Variants in LINGO2 observed in about 807,000 individuals in gnomAD.
LINGO2 encodes leucine-rich repeat and immunoglobulin-like domain-containing nogo receptor-interacting protein 2.
LINGO2 carries 14 observed loss-of-function variants against 30.6 expected under a neutral mutation model. The ratio of observed to expected loss-of-function variants is 0.46; its 90% CI spans 0.30 to 0.72. The LOEUF (loss-of-function observed/expected upper bound fraction) is 0.72. Among genes scored for constraint, LINGO2 ranks in the 30% least tolerant of loss-of-function variants. LINGO2 has a pLI of 0.07. For missense variants in LINGO2, 729 were observed against 751.7 expected, an observed-to-expected ratio of 0.97 and a Z score of 0.35; for synonymous variants, 317 against 288.5, an observed-to-expected ratio of 1.10 and a Z score of -1.00.
At chr9:28,404,002 T>C (rs1027179195) in intron 2 of LINGO2, among the ~76,000 whole-genome samples, 1 of 152,034 alleles carries the variant, frequency 6.6e-6, no homozygotes, top group Non-Finnish European at 1.5e-5. Context: ...TCTTTACCTA[T>C]TTTTTTATAC....
the LINGO2 span, among the ~76,000 whole-genome samples, chr9:29,187,715 T>C: frequency 1.3e-5 from 2 of 152,004 alleles, no homozygotes; most frequent in Admixed American, 1.3e-4. Context: ...CCTATCTCAT[T>C]TGCCTTGTAA....
chr9:28,695,046 AAT>A, the LINGO2 span, among the ~76,000 whole-genome samples: 1 of 134,754 alleles, frequency 7.4e-6, no homozygotes, highest in African/African-American at 3.2e-5. Context: ...CCCAATCTCT[AAT>A]ACAAACAAAC....
chr9:27,993,777 G>A (rs779982804), intron 5 of LINGO2, among the ~76,000 whole-genome samples: 1 of 151,994 alleles, frequency 6.6e-6, no homozygotes. Context: ...CTAGTACCTA[G>A]TAAATGGCTG....
intron 3 of LINGO2, among the ~76,000 whole-genome samples, chr9:28,299,137 G>A (rs868374999): frequency 1.3e-5 from 2 of 152,000 alleles, no homozygotes; most frequent in Admixed American, 6.6e-5. Flanking sequence ...CATCTTCCCC[G>A]TGGAGACATG....
At chr9:28,687,206 A>G in the LINGO2 span, among the ~76,000 whole-genome samples, 1 of 152,156 alleles carries the variant, frequency 6.6e-6, no homozygotes, top group African/African-American at 2.4e-5. Flanking sequence ...ATGTATGAGC[A>G]CAGCATTTAC....
At chr9:28,671,513 C>CAA (rs11286682), upstream of LINGO2, among the ~76,000 whole-genome samples, 1,721 of 105,570 alleles carry the variant, frequency 0.016, 57 homozygotes, top group East Asian at 0.078. Context: ...TTATCTTAAG[C>CAA]AAAAAAAAAA....
At chr9:29,168,496 A>G in the LINGO2 span, among the ~76,000 whole-genome samples, 2 of 152,204 alleles carry the variant, frequency 1.3e-5, no homozygotes, top group African/African-American at 4.8e-5. Flanking sequence ...CATTCTGGCC[A>G]AAGAAATATA....
At chr9:29,164,450 C>T in the LINGO2 span, among the ~76,000 whole-genome samples, 20 of 152,004 alleles carry the variant, frequency 1.3e-4, no homozygotes, top group African/African-American at 4.6e-4. Context: ...TTGAAATAAG[C>T]ATTTCTCTCA....
At chr9:28,215,902 G>A (rs1163783933) in intron 4 of LINGO2, among the ~76,000 whole-genome samples, 1 of 151,846 alleles carries the variant, frequency 6.6e-6, no homozygotes, top group Non-Finnish European at 1.5e-5. Context: ...GTAGCCCAGA[G>A]AAAGAATAAA....
chr9:29,060,137 C>T, the LINGO2 span, among the ~76,000 whole-genome samples: 1 of 151,958 alleles, frequency 6.6e-6, no homozygotes, highest in Non-Finnish European at 1.5e-5. Context: ...AAAGACTGTT[C>T]AGCAGCAGGG....
chr9:28,565,426 A>T (rs921246084), intron 1 of LINGO2, among the ~76,000 whole-genome samples: 1 of 149,808 alleles, frequency 6.7e-6, no homozygotes, highest in African/African-American at 2.5e-5. Flanking sequence ...ACCTCGTGAT[A>T]CCCCTGCCTC....
At chr9:29,102,393 T>TG in the LINGO2 span, among the ~76,000 whole-genome samples, 1 of 152,188 alleles carries the variant, frequency 6.6e-6, no homozygotes, top group Admixed American at 6.5e-5. Context: ...TCTGCAGCTT[T>TG]TTAAAAAAAT....
the LINGO2 span, among the ~76,000 whole-genome samples, chr9:28,887,270 A>G: frequency 6.6e-6 from 1 of 152,062 alleles, no homozygotes; most frequent in African/African-American, 2.4e-5. Context: ...AAAAAAATTG[A>G]AAGGATTTTT....
At chr9:28,246,406 G>T (rs140335153) in intron 4 of LINGO2, among the ~76,000 whole-genome samples, 1 of 151,986 alleles carries the variant, frequency 6.6e-6, no homozygotes, top group Non-Finnish European at 1.5e-5. Flanking sequence ...CAGTCTGGGT[G>T]ACAGAGTGAG....
intron 1 of LINGO2, among the ~76,000 whole-genome samples, chr9:28,560,324 T>A (rs1822980551): frequency 2.6e-5 from 4 of 152,090 alleles, no homozygotes; most frequent in Admixed American, 2.6e-4. Context: ...TGGGTGTGCC[T>A]CATCTAATCA....
At chr9:28,809,412 C>G in the LINGO2 span, among the ~76,000 whole-genome samples, 1 of 152,152 alleles carries the variant, frequency 6.6e-6, no homozygotes, top group African/African-American at 2.4e-5. Flanking sequence ...ATTATTATCT[C>G]AAATCTATTC....
the LINGO2 span, chr9:27,942,321 C>G: frequency 6.6e-6 from 1 of 152,100 alleles, no homozygotes; most frequent in African/African-American, 2.4e-5. Context: ...ACTCATATAA[C>G]CTACTTCTCT....
the LINGO2 span, among the ~76,000 whole-genome samples, chr9:29,133,093 A>G: frequency 1.2e-4 from 19 of 152,088 alleles, no homozygotes; most frequent in Non-Finnish European, 5.9e-5. Context: ...CTAACTTTTC[A>G]TCACTCCCAG....
intron 1 of LINGO2, among the ~76,000 whole-genome samples, chr9:28,572,320 G>A (rs962494596): frequency 6.6e-6 from 1 of 151,964 alleles, no homozygotes; most frequent in Non-Finnish European, 1.5e-5. Context: ...ATAATGGATT[G>A]GATTTAGAGA....
Sources: gnomAD v4.1 joint callset for allele counts (sites outside exome capture counted in the v4.1 genomes callset) on GRCh38, gnomAD v4.1.1 for gene constraint, MANE v1.5 for transcripts, NCBI Gene and HGNC (gene_info 2026-07-23, HGNC 2026-07-21) for gene names.